The following PCLO variants were observed in gnomAD, a reference collection of about 807,000 sequenced individuals.
PCLO encodes piccolo presynaptic cytomatrix protein.
A neutral mutation model predicts 427.5 loss-of-function variants in PCLO; 82 were observed. That is an observed-to-expected ratio of 0.19 (90% confidence interval 0.16 to 0.23). PCLO has a LOEUF of 0.23. Among genes scored for constraint, PCLO ranks in the 10% least tolerant of loss-of-function variants. The pLI is 1.00. For missense variants in PCLO, 6,239 were observed against 6,115.9 expected, an observed-to-expected ratio of 1.02 and a Z score of -0.67; for synonymous variants, 2,357 against 2,155.4, an observed-to-expected ratio of 1.09 and a Z score of -2.59.
intron 3 of PCLO, among the ~76,000 whole-genome samples, chr7:83,118,178 T>C: frequency 6.6e-6 from 1 of 152,246 alleles, no homozygotes; most frequent in East Asian, 1.9e-4. Flanking sequence ...AGTTTTAATT[T>C]GAAAAAATAA....
At chr7:83,022,683 T>G (rs1235112209) in intron 3 of PCLO, among the ~76,000 whole-genome samples, 1 of 152,206 alleles carries the variant, frequency 6.6e-6, no homozygotes, top group African/African-American at 2.4e-5. Context: ...TCTTTTAGAT[T>G]TATACAGTAG....
intron 2 of PCLO, among the ~76,000 whole-genome samples, chr7:83,152,565 C>A (rs537341580): frequency 3.1e-4 from 47 of 152,260 alleles, no homozygotes; most frequent in African/African-American, 1.0e-3. Context: ...TTTTCCAACA[C>A]CCTAGCTAAC....
intron 3 of PCLO, among the ~76,000 whole-genome samples, chr7:83,124,349 G>A (rs375841038): frequency 7.6e-6 from 1 of 131,292 alleles, no homozygotes; most frequent in South Asian, 2.5e-4. Flanking sequence ...GCGAGACTCC[G>A]TCTCAAAAAA....
At chr7:82,862,122 A>C (rs1209412632) in intron 10 of PCLO, among the ~76,000 whole-genome samples, 10 of 151,700 alleles carry the variant, frequency 6.6e-5, no homozygotes, top group African/African-American at 2.4e-4. Flanking sequence ...AGTGGAAATA[A>C]ATGAAATCAA....
chr7:82,993,436 A>G (rs1302721429), intron 3 of PCLO, among the ~76,000 whole-genome samples: 1 of 151,992 alleles, frequency 6.6e-6, no homozygotes, highest in East Asian at 1.9e-4. Flanking sequence ...ATTTTTTTAA[A>G]AAAAGCCCTG....
intron 9 of PCLO, among the ~76,000 whole-genome samples, chr7:82,883,428 T>G (rs1258559989): frequency 6.6e-6 from 1 of 152,194 alleles, no homozygotes; most frequent in Non-Finnish European, 1.5e-5. Flanking sequence ...AAAAATTCAG[T>G]TATTTCCCTT....
intron 10 of PCLO, among the ~76,000 whole-genome samples, chr7:82,873,431 G>C (rs1488300358): frequency 6.6e-6 from 1 of 152,040 alleles, no homozygotes; most frequent in African/African-American, 2.4e-5. Flanking sequence ...CGGCAATTTT[G>C]CTGACTGGGG....
chr7:83,002,191 T>G (rs1787840547), intron 3 of PCLO, among the ~76,000 whole-genome samples: 1 of 151,958 alleles, frequency 6.6e-6, no homozygotes, highest in Non-Finnish European at 1.5e-5. Context: ...CTAGATCTTT[T>G]TCTCATTCTA....
At position 82,915,451 on chromosome 7, in the gene PCLO, G is replaced by A; in HGVS notation, c.12535C>T (p.Leu4179=). 6.2e-7 allele frequency: 1 copy of A among 1,613,612 alleles called. No individual in the cohort carries two copies. The highest frequency in any genetic ancestry group is 8.5e-7 in the Non-Finnish European group (1 of 1,179,734). ...LTLEKQAAKQ[L]PAAILYQKQS... Reference sequence around the variant, plus strand: ...TTTTGATAAAGTATGGCTGCTGGCAGTTGTTTTGCTGCTTGTTTTTCAAGT... The same window carrying A: ...TTTTGATAAAGTATGGCTGCTGGCAATTGTTTTGCTGCTTGTTTTTCAAGT... Residue 4179 remains leucine, a synonymous_variant, in exon 7 of 25, where the codon CTG becomes TTG. Coordinates refer to ENST00000333891, the MANE Select transcript of PCLO (RefSeq NM_033026.6).
chr7:82,804,268 C>G (rs1231996179), intron 21 of PCLO, among the ~76,000 whole-genome samples: 1 of 151,900 alleles, frequency 6.6e-6, no homozygotes, highest in Non-Finnish European at 1.5e-5. Flanking sequence ...TCTATTGAAT[C>G]CATAGACTAA....
chr7:82,971,408 A>G (rs1171199629), intron 3 of PCLO, among the ~76,000 whole-genome samples: 1 of 150,702 alleles, frequency 6.6e-6, no homozygotes, highest in Non-Finnish European at 1.5e-5. Flanking sequence ...TTTTATGTGT[A>G]TGTGTGTGTG....
At chr7:83,142,064 A>G (rs1450148926) in intron 2 of PCLO, among the ~76,000 whole-genome samples, 1 of 151,386 alleles carries the variant, frequency 6.6e-6, no homozygotes, top group Non-Finnish European at 1.5e-5. Context: ...ACACAATTCC[A>G]GAAAGCATAA....
chr7:82,879,423 A>G lies in PCLO; in HGVS notation c.13568T>C (p.Ile4523Thr). ...LGIRIVGGKE[I>T]PGHSGEIGAY... ...TCCAATTTCTCCACTATGTCCCGGG[A>G]TTTCTTTACCACCCACAATTCTAAT... Residue 4523 changes from isoleucine (I) to threonine (T), a missense_variant, in exon 10 of 25, where the codon ATC (isoleucine) becomes ACC (threonine). Ile to Thr is a moderately conservative substitution (Grantham distance 89, BLOSUM62 -1). Coordinates refer to ENST00000333891, the MANE Select transcript of PCLO (RefSeq NM_033026.6). The G allele has an allele frequency of 1.2e-6, 2 of 1,607,680 alleles. No individual in the cohort carries two copies. The highest frequency in any genetic ancestry group is 1.7e-6 in the Non-Finnish European group (2 of 1,175,202).
chr7:83,118,273 A>G (rs1354840815), intron 3 of PCLO, among the ~76,000 whole-genome samples: 1 of 152,178 alleles, frequency 6.6e-6, no homozygotes, highest in Non-Finnish European at 1.5e-5. Flanking sequence ...ACAGGTAATC[A>G]CAGGAAGGCA....
At chr7:82,861,548 AG>A (rs1295494995) in intron 10 of PCLO, among the ~76,000 whole-genome samples, 1 of 152,036 alleles carries the variant, frequency 6.6e-6, no homozygotes, top group Non-Finnish European at 1.5e-5. Flanking sequence ...TTACAATAAT[AG>A]CTGGAGACTT....
intron 3 of PCLO, among the ~76,000 whole-genome samples, chr7:83,115,672 C>T (rs2116540302): frequency 6.6e-6 from 1 of 152,130 alleles, no homozygotes; most frequent in Admixed American, 6.5e-5. Flanking sequence ...TTAAGTCCAA[C>T]TTTAGGCATT....
chr7:82,832,868 G>A (rs1792130853), intron 16 of PCLO, among the ~76,000 whole-genome samples: 1 of 149,910 alleles, frequency 6.7e-6, no homozygotes, highest in Admixed American at 6.7e-5. Context: ...ACTCCTCTGA[G>A]GTTATTTCTC....
rs527314345 is a variant in PCLO at position 82,768,360 on chromosome 7, T to C, written c.15008-6867A>G. Among the ~76,000 whole-genome samples, 8 of 151,676 alleles carry C rather than the reference T, an allele frequency of 5.3e-5. No homozygotes were observed. The South Asian group carries it at 1.7e-3, about 32-fold the overall frequency. On this transcript the variant is annotated intron_variant, in intron 22 of 24. Transcript: ENST00000333891. ...ATTGCCTGAACCTGGGAGGCAGAGG[T>C]TGTAGTGAGCCAGGATCATGCCACT...
intron 4 of PCLO, among the ~76,000 whole-genome samples, chr7:82,960,181 CG>C (rs1467848940): frequency 6.6e-6 from 1 of 152,090 alleles, no homozygotes; most frequent in Non-Finnish European, 1.5e-5. Flanking sequence ...TTTATTTTGA[CG>C]GGCTAAAATT....
Sources: allele counts gnomAD v4.1 joint callset (sites outside exome capture counted in the v4.1 genomes callset), GRCh38; gene constraint gnomAD v4.1.1; transcripts MANE v1.5; gene names NCBI Gene and HGNC (gene_info 2026-07-23, HGNC 2026-07-21).